ZSCAN18: variants seen among roughly 807,000 people sequenced by gnomAD.
ZSCAN18 encodes zinc finger and SCAN domain containing 18, also known as zinc finger and SCAN domain-containing protein 18.
In ZSCAN18, 16 loss-of-function variants were observed where a neutral mutation model predicts 31.1. That is an observed-to-expected ratio of 0.51 (90% CI 0.35 to 0.78). ZSCAN18 has a LOEUF of 0.78. ZSCAN18 is among the 30% of genes least tolerant of loss of function. The pLI, the probability that ZSCAN18 is intolerant of heterozygous loss-of-function variation, is 0.01. For synonymous variants in ZSCAN18, 375 were observed against 320.7 expected, an observed-to-expected ratio of 1.17 and a Z score of -1.81; for missense variants, 731 against 697.4, an observed-to-expected ratio of 1.05 and a Z score of -0.54.
intron 1 of ZSCAN18, chr19:58,092,802 C>CCCTGTGT: frequency 2.6e-6 from 2 of 768,000 alleles, no homozygotes; most frequent in African/African-American, 1.9e-5. Context: ...AACACAGGGT[C>CCCTGTGT]TTACTCTGTC....
At chr19:58,100,541 T>C (rs906327491), upstream of ZSCAN18, among the ~76,000 whole-genome samples, 6 of 152,182 alleles carry the variant, frequency 3.9e-5, no homozygotes, top group African/African-American at 1.4e-4. Flanking sequence ...GGGCTCCTTA[T>C]GAATTGCAAA....
chr19:58,085,080 G>A lies in ZSCAN18; in HGVS notation c.1138C>T (p.Gln380Ter). The change falls in exon 7 of 7, where the codon CAG becomes TAG. Residue 380 changes from glutamine (Q) to a stop codon, truncating the protein, a stop_gained. Coordinates refer to ENST00000601144, the MANE Select transcript of ZSCAN18 (RefSeq NM_001145543.2). LOFTEE classifies it low-confidence loss of function (END_TRUNC). ...KRPHPEDGDG[Q>*]SLEGVSSSGD... is the part of the protein sequence containing the mutation. ...GAGCTAGAGACGCCCTCGAGGCTCTGCCCGTCCCCATCCTCGGGGTGCGGC... is the reference window on the plus strand; with the variant it reads ...GAGCTAGAGACGCCCTCGAGGCTCTACCCGTCCCCATCCTCGGGGTGCGGC... 2 of 1,604,330 alleles carry A rather than the reference G, an allele frequency of 1.2e-6. No homozygotes were observed. Among genetic ancestry groups the A allele is most frequent in the Non-Finnish European group, 1.7e-6 (2 of 1,174,602 alleles).
At chr19:58,107,809 T>C in intron 1 of ZSCAN18, 1 of 996,122 alleles carries the variant, frequency 1.0e-6, no homozygotes, top group South Asian at 4.6e-5. Flanking sequence ...GCACAGATAC[T>C]TGGGAAAACT....
chr19:58,102,274 C>G (rs947866160), upstream of ZSCAN18, among the ~76,000 whole-genome samples: 1 of 151,946 alleles, frequency 6.6e-6, no homozygotes, highest in Admixed American at 6.6e-5. Flanking sequence ...CTGGCTAACA[C>G]GGTGAAACCC....
At chr19:58,102,533 T>C (rs556647254), upstream of ZSCAN18, among the ~76,000 whole-genome samples, 40 of 152,254 alleles carry the variant, frequency 2.6e-4, no homozygotes, top group Non-Finnish European at 4.7e-4. Flanking sequence ...CCCCACATTA[T>C]GAACTTTAAA....
chr19:58,084,756 C>A lies in ZSCAN18; in HGVS notation c.1462G>T (p.Ala488Ser), dbSNP rs570885021. 111 of 1,564,978 alleles carry A rather than the reference C, an allele frequency of 7.1e-5. No individual in the cohort carries two copies. In the East Asian group the frequency reaches 2.5e-3, roughly 35 times the overall value. The change falls in exon 7 of 7, where the codon GCT becomes TCT. Residue 488 changes from alanine to serine, a missense_variant. Around this residue, in one of 4 missense-constraint regions of ZSCAN18, gnomAD observed 597 missense variants for 499.5 expected, o/e 1.20. Transcript: ENST00000601144. This position sits in a 1 kb window ranked among gnomAD's most constrained non-coding sequence, Gnocchi z 4.5. ...QPSTREAQAG[A>S]RAGGPPESVE... ...CTCTCTGGGGGACCGCCCGCCCTAG[C>A]CCCCGCCTGGGCTTCGCGGGTGGAC...
At chr19:58,089,836 A>AGCCATGCTTCTCCTCTGT in intron 2 of ZSCAN18, 29 bp downstream of exon 2, 3 of 1,583,848 alleles carry the variant, frequency 1.9e-6, no homozygotes, top group Non-Finnish European at 2.6e-6. Context: ...ATCTCCTCTG[A>AGCCATGCTTCTCCTCTGT]GCCATGCTTC....
chr19:58,085,999 A>G, intron 6 of ZSCAN18, 175 bp downstream of exon 6: 2 of 599,238 alleles, frequency 3.3e-6, no homozygotes, highest in Middle Eastern at 2.7e-4. Flanking sequence ...TCATGCAGCA[A>G]GAGACCATGG....
intron 1 of ZSCAN18, chr19:58,118,216 G>A (rs1257037482): frequency 2.2e-6 from 2 of 913,338 alleles, no homozygotes; most frequent in South Asian, 2.0e-5. Context: ...CAGAAAGAGC[G>A]ACCACGCAGC....
Position 58,109,307 on chromosome 19 carries a change from G to C in ZSCAN18, c.130+8960C>G, listed in dbSNP as rs542073268. On this transcript the variant is annotated intron_variant, in intron 1 of 1. Coordinates refer to the ZSCAN18 transcript ENST00000595721. ...CATTTGACTTTTGTTTCCCAGGCTG[G>C]AAAGGAAAAGGGGAAAATTTTTGAA... 1.9e-3 allele frequency: 2,306 copies of C among 1,231,606 alleles called. 1 individual carries two copies. The highest frequency in any genetic ancestry group is 2.2e-3 in the Non-Finnish European group (2,185 of 987,906). 76.3% of individuals were successfully genotyped at this position (1,231,606 alleles called of 1,614,324 possible).
chr19:58,101,683 C>T (rs1311950132), upstream of ZSCAN18, among the ~76,000 whole-genome samples: 3 of 151,500 alleles, frequency 2.0e-5, no homozygotes, highest in African/African-American at 7.3e-5. Flanking sequence ...CCATGCCTGG[C>T]TAATTTTTGT....
chr19:58,088,919 T>C lies in ZSCAN18; in HGVS notation c.404-82A>G, dbSNP rs575852525. On this transcript the variant is annotated intron_variant, in intron 2 of 6. Coordinates refer to ENST00000601144, the MANE Select transcript of ZSCAN18 (RefSeq NM_001145543.2). Reference sequence around the variant, plus strand: ...ATCACACAGTTAAACCACAGGGACCTGCAGGCTCCAGGGCCACATCACTAC... The same window carrying C: ...ATCACACAGTTAAACCACAGGGACCCGCAGGCTCCAGGGCCACATCACTAC... The C allele has an allele frequency of 4.4e-5, 63 of 1,433,012 alleles. No individual in the cohort carries two copies. In the African/African-American group the frequency reaches 6.9e-4, roughly 16 times the overall value. The allele number at this position is 1,433,012 out of a possible 1,614,324, so 88.8% of individuals were successfully genotyped here.
At chr19:58,087,538 G>T (rs897351842) in intron 3 of ZSCAN18, 134 bp from the exon 4 acceptor site, 1 of 729,854 alleles carries the variant, frequency 1.4e-6, no homozygotes, top group East Asian at 2.7e-5. Context: ...AGGCTCAACG[G>T]ACACTACACC....
intron 5 of ZSCAN18, 194 bp downstream of exon 5, chr19:58,086,712 G>A: frequency 1.7e-6 from 1 of 572,128 alleles, no homozygotes; most frequent in South Asian, 2.2e-5. Context: ...GCAGGGCCTG[G>A]GCAGAACTCA....
At chr19:58,086,874 T>G (rs1599953021) in intron 5 of ZSCAN18, 32 bp downstream of exon 5, 1 of 1,559,488 alleles carries the variant, frequency 6.4e-7, no homozygotes, top group South Asian at 1.1e-5. Context: ...GGATGGGGAG[T>G]GGGGCGTGAC....
At chr19:58,102,706 T>C (rs1011167426), upstream of ZSCAN18, among the ~76,000 whole-genome samples, 4 of 152,282 alleles carry the variant, frequency 2.6e-5, no homozygotes, top group South Asian at 8.3e-4. Flanking sequence ...AGCAACAAGA[T>C]TTTTTCCTTG....
chr19:58,090,069 G>A lies in ZSCAN18; in HGVS notation c.199C>T (p.Leu67=), dbSNP rs2074379501. Residue 67 remains leucine, a synonymous_variant, in exon 2 of 7, where the codon CTG becomes TTG. Transcript: ENST00000601144. This position sits in a 1 kb window ranked among gnomAD's most constrained non-coding sequence, Gnocchi z 4.7. ...CGGCACAGCTCATGCAGCCGGGCCA[G>A]GGTCTGGTGGGGCCCGGCAGCCTCC... ...YQEAAGPHQT[L]ARLHELCRQW... is the part of the protein sequence containing the mutation. 4.3e-6 allele frequency: 7 copies of A among 1,613,736 alleles called. No homozygotes were observed. The highest frequency in any genetic ancestry group is 5.9e-6 in the Non-Finnish European group (7 of 1,179,950).
At chr19:58,099,270 C>G (rs922712160), upstream of ZSCAN18, among the ~76,000 whole-genome samples, 1 of 152,164 alleles carries the variant, frequency 6.6e-6, no homozygotes, top group Non-Finnish European at 1.5e-5. Context: ...ACTCCCTCCC[C>G]ACCCATAACC....
intron 1 of ZSCAN18, chr19:58,109,423 C>T (rs2074661451): frequency 1.9e-6 from 2 of 1,060,510 alleles, no homozygotes; most frequent in East Asian, 3.2e-5. Flanking sequence ...ATGCTGTGCC[C>T]ATTCTGTGAC....
Sources: gnomAD v4.1 joint callset for allele counts (sites outside exome capture counted in the v4.1 genomes callset) on GRCh38, gnomAD v4.1.1 for gene constraint, gnomAD v4.1.1 regional missense constraint, Gnocchi (gnomAD v3.1) non-coding constraint, MANE v1.5 for transcripts, NCBI Gene and HGNC (gene_info 2026-07-23, HGNC 2026-07-21) for gene names.